The following NPHP4 variants were observed in gnomAD, a reference collection of about 807,000 sequenced individuals.
The protein encoded by NPHP4 is nephrocystin-4.
Under a neutral mutation model 155.8 loss-of-function variants are expected in NPHP4, and 151 were observed. That is an observed-to-expected ratio of 0.97 (90% CI 0.85 to 1.11). The LOEUF (loss-of-function observed/expected upper bound fraction) is 1.11, where lower values mean the gene tolerates loss of function less well. Ranked by LOEUF, NPHP4 falls within the 50% of genes least tolerant of loss-of-function variation. The probability of loss-of-function intolerance (pLI) is 0.00; values close to 1 mark genes in which losing one functional copy is unlikely to be tolerated. For missense variants in NPHP4, 1,956 were observed against 1,925.7 expected, an observed-to-expected ratio of 1.02 and a Z score of -0.29; for synonymous variants, 845 against 816.8, an observed-to-expected ratio of 1.03 and a Z score of -0.59.
In NPHP4 at chr1:5,879,386, G is replaced by A. The variant is rs186265462; in HGVS notation, c.2611+728C>T. The A allele has an allele frequency of 1.5e-3, 574 of 383,648 alleles. 1 individual carries two copies. The highest frequency in any genetic ancestry group is 2.2e-3 in the Non-Finnish European group (432 of 193,650). The allele number at this position is 383,648 out of a possible 1,614,324, so 23.8% of individuals were successfully genotyped here. A position where few individuals can be genotyped will look rare whatever the true frequency, so the allele number is the denominator to read the frequency against. ...AAAAACTTCAGAGCCTCCCTGCTGTGAAACACATTTTCACCAAACCCAGGT... is the reference window on the plus strand; with the variant it reads ...AAAAACTTCAGAGCCTCCCTGCTGTAAAACACATTTTCACCAAACCCAGGT... On this transcript the variant is annotated intron_variant, in intron 19 of 29. Coordinates refer to ENST00000378156, the MANE Select transcript of NPHP4 (RefSeq NM_015102.5).
At chr1:5,952,878 A>T (rs1426734807) in intron 6 of NPHP4, 42 bp from the exon 7 acceptor site, 1 of 1,549,354 alleles carries the variant, frequency 6.5e-7, no homozygotes, top group Non-Finnish European at 8.7e-7. Flanking sequence ...CTTGGGAATA[A>T]AACACCCACT....
chr1:5,867,359 A>G lies in NPHP4; in HGVS notation c.3473-244T>C, dbSNP rs1641351490. On this transcript the variant is annotated intron_variant, in intron 24 of 29. Transcript: ENST00000378156. The surrounding 1 kb of genome is among the most constrained non-coding windows in gnomAD (Gnocchi z 4.1). ...CAGCCATCTCCACAGGGAATAATCG[A>G]GGGGGCCACAAAAAAGAAAACACAG... 1 of 547,638 alleles carries G rather than the reference A, an allele frequency of 1.8e-6. No homozygotes were observed. Among genetic ancestry groups the G allele is most frequent in the African/African-American group, 1.9e-5 (1 of 53,020 alleles). The allele number at this position is 547,638 out of a possible 1,614,324, so 33.9% of individuals were successfully genotyped here.
chr1:5,896,786 C>A (rs1644414891), intron 16 of NPHP4, among the ~76,000 whole-genome samples: 1 of 152,136 alleles, frequency 6.6e-6, no homozygotes, highest in African/African-American at 2.4e-5. Flanking sequence ...AGAAACGGGC[C>A]CTGGCTGGCG....
At chr1:5,884,729 T>C (rs573215365) in intron 18 of NPHP4, among the ~76,000 whole-genome samples, 1 of 135,150 alleles carries the variant, frequency 7.4e-6, no homozygotes, top group East Asian at 2.3e-4. Flanking sequence ...CCAGCCGTCC[T>C]ACTCCACAAC....
At chr1:5,968,859 C>T (rs527699793) in intron 4 of NPHP4, among the ~76,000 whole-genome samples, 14 of 152,048 alleles carry the variant, frequency 9.2e-5, no homozygotes, top group African/African-American at 3.4e-4. Flanking sequence ...CATGGCAAAA[C>T]CCCGTCTCTA....
chr1:5,941,289 C>CAAAAAAAAAAA (rs66676950), intron 9 of NPHP4, among the ~76,000 whole-genome samples: 6 of 44,776 alleles, frequency 1.3e-4, no homozygotes, highest in African/African-American at 4.9e-4. Context: ...GAGATCTAGA[C>CAAAAAAAAAAA]AAAAAAAAAA....
rs979767148 is a variant in NPHP4 at position 5,867,495 on chromosome 1, G to C, written c.3472+245C>G. On this transcript the variant is annotated intron_variant, in intron 24 of 29. Coordinates refer to ENST00000378156, the MANE Select transcript of NPHP4 (RefSeq NM_015102.5). The surrounding 1 kb of genome is among the most constrained non-coding windows in gnomAD (Gnocchi z 4.1). Reference sequence around the variant, plus strand: ...CTCCAGGCACACCTGGACCTGGGCCGCGGGAGCTGGGATTTTTTAGAAGGG... The same window carrying C: ...CTCCAGGCACACCTGGACCTGGGCCCCGGGAGCTGGGATTTTTTAGAAGGG... 8.7e-6 allele frequency: 5 copies of C among 576,786 alleles called. No homozygotes were observed. Among genetic ancestry groups the C allele is most frequent in the Non-Finnish European group, 9.3e-6 (3 of 323,986 alleles). 35.7% of individuals were successfully genotyped at this position (576,786 alleles called of 1,614,324 possible). A position where few individuals can be genotyped will look rare whatever the true frequency, so the allele number is the denominator to read the frequency against.
intron 3 of NPHP4, among the ~76,000 whole-genome samples, chr1:5,976,625 C>G (rs559025506): frequency 6.6e-6 from 1 of 152,316 alleles, no homozygotes; most frequent in East Asian, 1.9e-4. Flanking sequence ...AGAGAGACCT[C>G]TGAGAGGTAT....
At chr1:5,989,974 G>A (rs952816972) in intron 1 of NPHP4, among the ~76,000 whole-genome samples, 5 of 152,258 alleles carry the variant, frequency 3.3e-5, no homozygotes, top group Admixed American at 2.6e-4. Flanking sequence ...GGGATGTGGA[G>A]GCAGGGCAGT....
In NPHP4 at chr1:5,904,638, T is replaced by C; in HGVS notation, c.2122A>G (p.Arg708Gly). ...TCACCAGCATCAAAGGTGCCATCTC[T>C]GCTCACAGGCACGAGGATGTGGGTC... ...ALTHILVPVS[R>G]DGTFDAGSPG... The change falls in exon 16 of 30, where the codon AGA (arginine) becomes GGA (glycine). Residue 708 changes from arginine to glycine, a missense_variant. Coordinates refer to ENST00000378156, the MANE Select transcript of NPHP4 (RefSeq NM_015102.5). 6.2e-7 allele frequency: 1 copy of C among 1,611,402 alleles called. No individual in the cohort carries two copies. The highest frequency in any genetic ancestry group is 2.2e-5 in the East Asian group (1 of 44,836).
At chr1:5,941,289 C>CAAAAAAAAAAAAACAAAA (rs1646800904) in intron 9 of NPHP4, among the ~76,000 whole-genome samples, 1 of 44,776 alleles carries the variant, frequency 2.2e-5, no homozygotes, top group Non-Finnish European at 3.7e-5. Flanking sequence ...GAGATCTAGA[C>CAAAAAAAAAAAAACAAAA]AAAAAAAAAA....
At chr1:5,865,895 T>C (rs12737596) in intron 26 of NPHP4, 9,260 of 193,810 alleles carry the variant, frequency 0.048, 256 homozygotes, top group African/African-American at 0.065. Flanking sequence ...CTCACACCAG[T>C]TTGAAAGGAT....
chr1:5,975,159 T>A (rs1028445293), intron 3 of NPHP4, among the ~76,000 whole-genome samples: 2 of 152,190 alleles, frequency 1.3e-5, no homozygotes, highest in African/African-American at 4.8e-5. Flanking sequence ...CGGTGCTTCA[T>A]CCACACTTGG....
In NPHP4 at chr1:5,907,099, G is replaced by A; in HGVS notation, c.1611+16C>T. 3 of 1,431,506 alleles carry A rather than the reference G, an allele frequency of 2.1e-6. No individual in the cohort carries two copies. Among genetic ancestry groups the A allele is most frequent in the Non-Finnish European group, 2.8e-6 (3 of 1,062,372 alleles). The allele number at this position is 1,431,506 out of a possible 1,614,324, so 88.7% of individuals were successfully genotyped here. On this transcript the variant is annotated intron_variant, in intron 13 of 29. Transcript: ENST00000378156. ...TTCCTTGGTGGAAGGCAAGGCGGCA[G>A]GTGGGCGGCACTTACTGCCTGGGCC... is the stretch of plus-strand genomic sequence containing the variant.
At chr1:5,904,535 C>G (rs1384675151) in intron 16 of NPHP4, 82 bp downstream of exon 16, 1 of 1,087,090 alleles carries the variant, frequency 9.2e-7, no homozygotes, top group Non-Finnish European at 1.3e-6. Context: ...TTTCATAGTA[C>G]CACTTATTTA....
At chr1:5,974,363 C>A (rs1049331047) in intron 3 of NPHP4, among the ~76,000 whole-genome samples, 4 of 152,084 alleles carry the variant, frequency 2.6e-5, no homozygotes, top group South Asian at 2.1e-4. Context: ...GTAACTCCCC[C>A]CAAATAAATA....
In NPHP4 at chr1:5,867,473, C is replaced by T. The variant is rs900489176; in HGVS notation, c.3472+267G>A. 1.8e-6 allele frequency: 1 copy of T among 566,586 alleles called. No homozygotes were observed. The allele number at this position is 566,586 out of a possible 1,614,324, so 35.1% of individuals were successfully genotyped here. Reference sequence around the variant, plus strand: ...TCAGGTGAGGAGGTAGGTGTTCCTCCAGGCACACCTGGACCTGGGCCGCGG... The same window carrying T: ...TCAGGTGAGGAGGTAGGTGTTCCTCTAGGCACACCTGGACCTGGGCCGCGG... On this transcript the variant is annotated intron_variant, in intron 24 of 29. Transcript: ENST00000378156. This position sits in a 1 kb window ranked among gnomAD's most constrained non-coding sequence, Gnocchi z 4.1.
intron 7 of NPHP4, among the ~76,000 whole-genome samples, chr1:5,951,414 CT>C (rs1405720556): frequency 3.9e-5 from 6 of 152,252 alleles, no homozygotes; most frequent in Admixed American, 3.9e-4. Context: ...AGTGAAGACT[CT>C]CTCATTCTAG....
intron 18 of NPHP4, among the ~76,000 whole-genome samples, chr1:5,884,841 G>C (rs1405177895): frequency 3.0e-4 from 42 of 141,836 alleles, no homozygotes; most frequent in Admixed American, 1.2e-3. Context: ...CCACAACCAA[G>C]ATCACTGCCC....
Sources: allele counts gnomAD v4.1 joint callset (sites outside exome capture counted in the v4.1 genomes callset), GRCh38; gene constraint gnomAD v4.1.1; non-coding constraint Gnocchi (gnomAD v3.1); transcripts MANE v1.5; gene names NCBI Gene and HGNC (gene_info 2026-07-23, HGNC 2026-07-21).